DYSF: variants seen among roughly 807,000 people sequenced by gnomAD.
DYSF encodes the protein dystrophy-associated fer-1-like 1.
Under a neutral mutation model 274.9 loss-of-function variants are expected in DYSF, and 212 were observed. That is an observed-to-expected ratio of 0.77 (90% CI 0.69 to 0.86). The LOEUF is 0.86. DYSF is among the 40% of genes least tolerant of loss of function. DYSF has a pLI of 0.00. For missense variants in DYSF, 2,666 were observed against 2,783.2 expected (o/e 0.96, Z 0.95); for synonymous variants, 1,091 against 1,078.7 (o/e 1.01, Z -0.22).
intron 4 of DYSF, among the ~76,000 whole-genome samples, chr2:71,508,536 G>A (rs963837772): frequency 2.0e-5 from 3 of 152,064 alleles, no homozygotes; most frequent in South Asian, 2.1e-4. Context: ...TTGAAATTCC[G>A]GCCAATTATT....
intron 1 of DYSF, among the ~76,000 whole-genome samples, chr2:71,458,055 T>C (rs1469074055): frequency 2.0e-5 from 3 of 152,178 alleles, no homozygotes; most frequent in Non-Finnish European, 4.4e-5. Flanking sequence ...GAACTCGGGA[T>C]CCCAGGTCTG....
Position 71,669,792 on chromosome 2 carries a change from A to G in DYSF, c.5784+46A>G, listed in dbSNP as rs370969145. The G allele has an allele frequency of 8.1e-6, 13 of 1,613,578 alleles. No homozygotes were observed. In the African/African-American group the frequency reaches 1.3e-4, roughly 17 times the overall value. ...CTGTGGTGCCAGCACCAGGGCTTCT[A>G]AAGTTAGCCTGACCTGACCACCACG... is the stretch of plus-strand genomic sequence containing the variant. On this transcript the variant is annotated intron_variant, in intron 51 of 55. Transcript: ENST00000410020.
At chr2:71,516,356 G>A (rs914328219) in intron 9 of DYSF, 114 bp downstream of exon 9, 14 of 999,080 alleles carry the variant, frequency 1.4e-5, no homozygotes, top group South Asian at 5.3e-5. Context: ...GTGTGAATGC[G>A]TGAATGCGTG....
chr2:71,650,134 TA>T (rs1193477552), intron 42 of DYSF, among the ~76,000 whole-genome samples: 2 of 152,116 alleles, frequency 1.3e-5, no homozygotes, highest in Non-Finnish European at 2.9e-5. Context: ...CACTGGTTGG[TA>T]GGGGGAGATT....
intron 4 of DYSF, 81 bp downstream of exon 4, chr2:71,503,400 C>T (rs564786369): frequency 5.8e-4 from 815 of 1,394,902 alleles, no homozygotes; most frequent in Admixed American, 1.3e-3. Context: ...CCATTCTGAC[C>T]CCAGACATGC....
Position 71,596,082 on chromosome 2 carries a change from GC to G in DYSF, c.3575-2478del, listed in dbSNP as rs752606403. On this transcript the variant is annotated intron_variant, in intron 32 of 55. Transcript: ENST00000410020. ...TGCACACAGTAGCCCAGTGTCTGAG[GC>G]CCCAGGCCTCCAGGCCTGCTCTTTA... is the stretch of plus-strand genomic sequence containing the variant. Among the ~76,000 whole-genome samples the G allele has an allele frequency of 1.1e-3, 162 of 151,594 alleles. 2 individuals carry two copies. Among genetic ancestry groups the G allele is most frequent in the Non-Finnish European group, 8.5e-4 (58 of 67,870 alleles).
chr2:71,601,254 A>T, intron 34 of DYSF: 1 of 626,120 alleles, frequency 1.6e-6, no homozygotes, highest in Non-Finnish European at 2.8e-6. Flanking sequence ...TTGGACCTGT[A>T]CCTTCAAACT....
At chr2:71,526,411 T>TGGGGGG in intron 13 of DYSF, 65 bp downstream of exon 13, 9 of 306,882 alleles carry the variant, frequency 2.9e-5, no homozygotes, top group Middle Eastern at 9.4e-4. Flanking sequence ...CTGGTGGGGG[T>TGGGGGG]GGGCGATGGC....
At chr2:71,508,959 C>T (rs1033005388) in intron 4 of DYSF, among the ~76,000 whole-genome samples, 28 of 151,826 alleles carry the variant, frequency 1.8e-4, no homozygotes, top group African/African-American at 6.3e-4. Context: ...TTCAACCAAT[C>T]CTCCCACCTC....
chr2:71,480,390 A>C (rs772922890), intron 1 of DYSF, among the ~76,000 whole-genome samples: 1 of 151,572 alleles, frequency 6.6e-6, no homozygotes, highest in Non-Finnish European at 1.5e-5. Context: ...ACACGCACAC[A>C]CACACACATA....
chr2:71,623,340 A>G (rs1193181572), intron 41 of DYSF, among the ~76,000 whole-genome samples: 7 of 94,268 alleles, frequency 7.4e-5, no homozygotes. Flanking sequence ...CCCACCCCAC[A>G]ACAGTCCCCA....
intron 22 of DYSF, among the ~76,000 whole-genome samples, chr2:71,561,537 G>A (rs1489230346): frequency 1.3e-5 from 2 of 152,214 alleles, no homozygotes; most frequent in East Asian, 1.9e-4. Context: ...ATCAGGAGGC[G>A]CGTAGGCTGA....
At chr2:71,555,941 G>T (rs1407399500) in intron 21 of DYSF, 24 bp from the exon 22 acceptor site, 1 of 1,545,148 alleles carries the variant, frequency 6.5e-7, no homozygotes, top group South Asian at 1.2e-5. Flanking sequence ...TGACACACCT[G>T]ACCCTTGCCT....
At chr2:71,662,844 GTGTA>G (rs1335679947) in intron 45 of DYSF, among the ~76,000 whole-genome samples, 17 of 112,578 alleles carry the variant, frequency 1.5e-4, no homozygotes, top group Middle Eastern at 5.6e-3. Context: ...GTATATGTGT[GTGTA>G]TGTGTGTGTG....
intron 36 of DYSF, among the ~76,000 whole-genome samples, chr2:71,605,424 C>T (rs2093628211): frequency 6.6e-6 from 1 of 152,162 alleles, no homozygotes; most frequent in South Asian, 2.1e-4. Context: ...GCACACACAG[C>T]AGCTGAGGTG....
chr2:71,573,803 A>T (rs922390054), intron 29 of DYSF, among the ~76,000 whole-genome samples: 2 of 151,110 alleles, frequency 1.3e-5, no homozygotes, highest in African/African-American at 4.9e-5. Context: ...TCCCCTCCTG[A>T]TTTTTCTTTT....
At chr2:71,525,467 G>A (rs181380551) in intron 12 of DYSF, among the ~76,000 whole-genome samples, 37 of 152,178 alleles carry the variant, frequency 2.4e-4, no homozygotes, top group Non-Finnish European at 3.4e-4. Context: ...CAGGTGATCC[G>A]CCTGCCTCGG....
At chr2:71,455,638 C>T (rs2081029254) in intron 1 of DYSF, among the ~76,000 whole-genome samples, 1 of 152,192 alleles carries the variant, frequency 6.6e-6, no homozygotes. Flanking sequence ...GGGCACCATT[C>T]ATACTGTAAA....
intron 12 of DYSF, among the ~76,000 whole-genome samples, chr2:71,524,909 G>A (rs1303875693): frequency 6.6e-6 from 1 of 152,202 alleles, no homozygotes; most frequent in Non-Finnish European, 1.5e-5. Flanking sequence ...TTTCTTATCT[G>A]TAAAGTGGGG....
Sources: gnomAD v4.1 joint callset for allele counts (sites outside exome capture counted in the v4.1 genomes callset) on GRCh38, gnomAD v4.1.1 for gene constraint, MANE v1.5 for transcripts, NCBI Gene and HGNC (gene_info 2026-07-23, HGNC 2026-07-21) for gene names.